PRKG1: variants seen among roughly 807,000 people sequenced by gnomAD.
PRKG1 encodes cGMP-dependent protein kinase 1.
Under a neutral mutation model 88.1 loss-of-function variants are expected in PRKG1, and 35 were observed. The ratio of observed to expected loss-of-function variants is 0.40; its 90% CI spans 0.30 to 0.53. The LOEUF is 0.53. PRKG1 is among the 20% of genes least tolerant of loss of function. PRKG1 has a pLI of 0.59. For missense variants in PRKG1, 540 were observed against 839.8 expected (o/e 0.64, Z 4.41); for synonymous variants, 303 against 292.5 (o/e 1.04, Z -0.37).
rs554802408 is a variant in PRKG1 at position 51,524,565 on chromosome 10, A to G, written c.592+56729A>G. The stretch of plus-strand genomic sequence containing the variant: ...TTTTTTTCAGCCATCTAATACATGT[A>G]CAATTTATCCTTAGCTCTTGTGCCA... On this transcript the variant is annotated intron_variant, in intron 3 of 17. Coordinates refer to ENST00000373980, the MANE Select transcript of PRKG1 (RefSeq NM_006258.4). 2.6e-5 allele frequency among the ~76,000 whole-genome samples: 4 copies of G among 152,312 alleles called. No individual in the cohort carries two copies. The South Asian group carries it at 8.3e-4, about 32-fold the overall frequency.
intron 2 of PRKG1, among the ~76,000 whole-genome samples, chr10:51,312,957 T>C (rs1841228946): frequency 6.6e-6 from 1 of 152,168 alleles, no homozygotes; most frequent in Non-Finnish European, 1.5e-5. Context: ...GTAATTGTAA[T>C]GTTTCATTAT....
At chr10:51,844,576 A>T (rs1249154273) in intron 4 of PRKG1, among the ~76,000 whole-genome samples, 1 of 152,144 alleles carries the variant, frequency 6.6e-6, no homozygotes, top group Non-Finnish European at 1.5e-5. Flanking sequence ...ATGGGTGTTT[A>T]AACCTTAAGT....
chr10:51,427,601 G>A (rs1425581570), intron 2 of PRKG1, among the ~76,000 whole-genome samples: 2 of 152,180 alleles, frequency 1.3e-5, no homozygotes, highest in African/African-American at 4.8e-5. Flanking sequence ...AGAGCCACAG[G>A]CTGAAGGCTG....
At chr10:52,056,793 T>C (rs1846121358) in intron 6 of PRKG1, among the ~76,000 whole-genome samples, 1 of 152,044 alleles carries the variant, frequency 6.6e-6, no homozygotes, top group African/African-American at 2.4e-5. Flanking sequence ...TTAACAATAT[T>C]AATTATATTA....
At chr10:51,797,092 G>A (rs1369675309) in intron 3 of PRKG1, among the ~76,000 whole-genome samples, 2 of 151,660 alleles carry the variant, frequency 1.3e-5, no homozygotes, top group Admixed American at 1.3e-4. Context: ...GTAGAGGCAG[G>A]CTTGAAGCTG....
intron 2 of PRKG1, among the ~76,000 whole-genome samples, chr10:51,276,272 T>C (rs889901773): frequency 1.3e-5 from 2 of 152,194 alleles, no homozygotes; most frequent in Admixed American, 6.5e-5. Context: ...GCTTCATCCA[T>C]GTCCCTACAA....
chr10:51,749,626 T>C (rs988087115), intron 3 of PRKG1, among the ~76,000 whole-genome samples: 3 of 152,208 alleles, frequency 2.0e-5, no homozygotes, highest in Admixed American at 6.5e-5. Context: ...GGTAAAATTG[T>C]CCTCAGCAAG....
chr10:51,797,290 A>G (rs1321157547), intron 3 of PRKG1, among the ~76,000 whole-genome samples: 3 of 148,882 alleles, frequency 2.0e-5, no homozygotes, highest in Non-Finnish European at 4.5e-5. Flanking sequence ...ACTTTTGTTT[A>G]TTGTAGTAAA....
At chr10:51,652,286 T>C (rs1840057549) in intron 3 of PRKG1, among the ~76,000 whole-genome samples, 1 of 150,598 alleles carries the variant, frequency 6.6e-6, no homozygotes, top group African/African-American at 2.4e-5. Flanking sequence ...AAGGAAATAA[T>C]CACTAATGTT....
chr10:52,033,816 T>C (rs1011225797), intron 5 of PRKG1, among the ~76,000 whole-genome samples: 1 of 152,034 alleles, frequency 6.6e-6, no homozygotes. Flanking sequence ...CATGGCTGTT[T>C]ATTTCACCCG....
rs573590577 is a variant in PRKG1, at chr10:51,312,107, G to A, written c.479-155616G>A. 4.4e-3 allele frequency among the ~76,000 whole-genome samples: 670 copies of A among 152,122 alleles called. 6 individuals are homozygous for A. The highest frequency in any genetic ancestry group is 0.016 in the South Asian group (75 of 4,826). Reference sequence around the variant, plus strand: ...GGTTGGTCTCGAACTCCTGACCTCAGGTGATCTGCCCGCCTCGGCCTCCAA... The same window carrying A: ...GGTTGGTCTCGAACTCCTGACCTCAAGTGATCTGCCCGCCTCGGCCTCCAA... On this transcript the variant is annotated intron_variant, in intron 2 of 17. Coordinates refer to ENST00000373980, the MANE Select transcript of PRKG1 (RefSeq NM_006258.4).
chr10:51,059,481 C>T (rs1843670607), intron 1 of PRKG1, among the ~76,000 whole-genome samples: 1 of 152,130 alleles, frequency 6.6e-6, no homozygotes, highest in Non-Finnish European at 1.5e-5. Flanking sequence ...TCTGCAGCCT[C>T]AAACTCCTGG....
At chr10:51,515,428 T>A (rs765102045) in intron 3 of PRKG1, among the ~76,000 whole-genome samples, 1 of 152,172 alleles carries the variant, frequency 6.6e-6, no homozygotes, top group Non-Finnish European at 1.5e-5. Flanking sequence ...ATCCAAATAA[T>A]ATAATTCATG....
chr10:52,199,740 C>G (rs969073786), intron 9 of PRKG1, among the ~76,000 whole-genome samples: 1 of 152,156 alleles, frequency 6.6e-6, no homozygotes, highest in Non-Finnish European at 1.5e-5. Context: ...ACGTACCTCA[C>G]ATGCATAAGG....
chr10:51,724,454 G>A (rs547286124), intron 3 of PRKG1, among the ~76,000 whole-genome samples: 87 of 152,278 alleles, frequency 5.7e-4, no homozygotes, highest in African/African-American at 2.0e-3. Flanking sequence ...TTTCAAAACC[G>A]TCCCTACTGT....
intron 3 of PRKG1, among the ~76,000 whole-genome samples, chr10:51,605,404 G>A (rs960706123): frequency 2.0e-5 from 3 of 152,112 alleles, no homozygotes; most frequent in Admixed American, 1.3e-4. Flanking sequence ...CCCCACTCTC[G>A]TATCACTGTT....
chr10:51,675,586 C>T (rs1840690381), intron 3 of PRKG1, among the ~76,000 whole-genome samples: 1 of 152,144 alleles, frequency 6.6e-6, no homozygotes, highest in African/African-American at 2.4e-5. Context: ...AAAGCATTTA[C>T]TAAGTTAAAA....
intron 7 of PRKG1, among the ~76,000 whole-genome samples, chr10:52,121,118 A>G (rs1291051009): frequency 6.6e-6 from 1 of 152,188 alleles, no homozygotes; most frequent in African/African-American, 2.4e-5. Context: ...GGGGTGGCCC[A>G]GGAGTGCTGC....
intron 4 of PRKG1, among the ~76,000 whole-genome samples, chr10:51,838,683 G>C (rs1289958467): frequency 6.6e-6 from 1 of 151,948 alleles, no homozygotes; most frequent in Non-Finnish European, 1.5e-5. Context: ...GATTGTTTTG[G>C]GAATCCTTTT....
Sources: gnomAD v4.1 joint callset for allele counts (sites outside exome capture counted in the v4.1 genomes callset) on GRCh38, gnomAD v4.1.1 for gene constraint, MANE v1.5 for transcripts, NCBI Gene and HGNC (gene_info 2026-07-23, HGNC 2026-07-21) for gene names.